MRAP2: variants seen among roughly 807,000 people sequenced by gnomAD.
MRAP2 encodes melanocortin 2 receptor accessory protein 2.
MRAP2 carries 20 observed loss-of-function variants against 17.4 expected under a neutral mutation model. That is an observed-to-expected ratio of 1.15 (90% CI 0.81 to 1.67). The LOEUF (loss-of-function observed/expected upper bound fraction) is 1.67. MRAP2 is among the 40% of genes most tolerant of loss of function. MRAP2 has a pLI of 0.00. For missense variants in MRAP2, 238 were observed against 240.0 expected, an observed-to-expected ratio of 0.99 and a Z score of 0.05; for synonymous variants, 96 against 88.4, an observed-to-expected ratio of 1.09 and a Z score of -0.48.
At chr6:84,140,525 G>GT in the MRAP2 span, among the ~76,000 whole-genome samples, 1 of 150,672 alleles carries the variant, frequency 6.6e-6, no homozygotes, top group Non-Finnish European at 1.5e-5. Flanking sequence ...AGGCTTCTTG[G>GT]TTTTTTGTTT....
intron 1 of MRAP2, among the ~76,000 whole-genome samples, chr6:84,052,048 C>T (rs1770421508): frequency 6.6e-6 from 1 of 152,214 alleles, no homozygotes; most frequent in African/African-American, 2.4e-5. Context: ...GTGATGCTTT[C>T]AGCTGTTCAA....
In MRAP2 at chr6:84,033,830, A is replaced by AGGAGCCAGGAGCC. The variant is rs1280845709; in HGVS notation, c.-57_-45dup. Reference sequence around the variant, plus strand: ...CGGCGGCGGCGCTCGCGCACCTCGGAGGAGCCAGGAGCCGGAACCAGGGCC... The same window carrying AGGAGCCAGGAGCC: ...CGGCGGCGGCGCTCGCGCACCTCGGAGGAGCCAGGAGCCGGAGCCAGGAGCCGGAACCAGGGCC... On this transcript the variant is annotated 5_prime_UTR_variant, in exon 1 of 4. Coordinates refer to ENST00000257776, the MANE Select transcript of MRAP2 (RefSeq NM_138409.4). 3.0e-6 allele frequency: 3 copies of AGGAGCCAGGAGCC among 986,666 alleles called. No homozygotes were observed. Among genetic ancestry groups the AGGAGCCAGGAGCC allele is most frequent in the Non-Finnish European group, 3.6e-6 (3 of 831,106 alleles). 61.1% of individuals were successfully genotyped at this position (986,666 alleles called of 1,614,324 possible).
chr6:84,040,657 G>A (rs1181253394), intron 1 of MRAP2, among the ~76,000 whole-genome samples: 1 of 152,188 alleles, frequency 6.6e-6, no homozygotes, highest in East Asian at 1.9e-4. Context: ...GTCTCAGATA[G>A]AGATGAGGAA....
the MRAP2 span, among the ~76,000 whole-genome samples, chr6:84,134,814 C>CA: frequency 6.6e-6 from 1 of 151,998 alleles, no homozygotes; most frequent in Non-Finnish European, 1.5e-5. Flanking sequence ...GCCTCCCCCC[C>CA]ACAGATTAAA....
At chr6:84,126,247 T>G in the MRAP2 span, 16 of 566,532 alleles carry the variant, frequency 2.8e-5, no homozygotes, top group Non-Finnish European at 4.0e-5. Context: ...ATTTATTAAA[T>G]TTTTAACAAG....
the MRAP2 span, among the ~76,000 whole-genome samples, chr6:84,144,169 T>C: frequency 6.6e-6 from 1 of 152,048 alleles, no homozygotes; most frequent in South Asian, 2.1e-4. Flanking sequence ...ATGTTCTTTC[T>C]CCTTTTACAA....
chr6:84,130,990 T>A, the MRAP2 span, among the ~76,000 whole-genome samples: 2 of 152,228 alleles, frequency 1.3e-5, no homozygotes, highest in Non-Finnish European at 2.9e-5. Flanking sequence ...CTTGTGGGCA[T>A]TTAGTGCTAT....
chr6:84,039,901 G>T (rs1205893824), intron 1 of MRAP2, among the ~76,000 whole-genome samples: 2 of 152,106 alleles, frequency 1.3e-5, no homozygotes, highest in Non-Finnish European at 2.9e-5. Context: ...ACAAACCTTT[G>T]TATAGATTAT....
Position 84,040,246 on chromosome 6 carries a change from G to T in MRAP2, c.-8+6363G>T, listed in dbSNP as rs1043581359. 2.6e-5 allele frequency among the ~76,000 whole-genome samples: 4 copies of T among 152,208 alleles called. No individual in the cohort carries two copies. In the East Asian group the frequency reaches 7.7e-4, roughly 29 times the overall value. On this transcript the variant is annotated intron_variant, in intron 1 of 3. Coordinates refer to ENST00000257776, the MANE Select transcript of MRAP2 (RefSeq NM_138409.4). ...GAAGGATGTGTTTGCTTCCCCTTCT[G>T]CCATGATTGTAAGTTTCCTGAGGCC...
chr6:84,123,197 A>AT, the MRAP2 span, among the ~76,000 whole-genome samples: 3 of 149,454 alleles, frequency 2.0e-5, no homozygotes, highest in Non-Finnish European at 3.0e-5. Context: ...AATTACCATC[A>AT]TTTTTTCACA....
At chr6:84,125,231 C>A in the MRAP2 span, 1 of 1,613,480 alleles carries the variant, frequency 6.2e-7, no homozygotes, top group African/African-American at 1.3e-5. Flanking sequence ...TTTTCAACTT[C>A]TTTGTTTTGC....
chr6:84,133,861 T>C, the MRAP2 span, among the ~76,000 whole-genome samples: 37,020 of 152,092 alleles, frequency 0.24, 9,934 homozygotes, highest in African/African-American at 0.67. Flanking sequence ...CCTTGGGCTG[T>C]ACCCACTGTC....
At chr6:84,113,639 G>A in the MRAP2 span, among the ~76,000 whole-genome samples, 1 of 152,114 alleles carries the variant, frequency 6.6e-6, no homozygotes, top group African/African-American at 2.4e-5. Flanking sequence ...GATCCTAGCT[G>A]GTTATTTTAC....
chr6:84,124,942 G>T, the MRAP2 span: 3 of 719,846 alleles, frequency 4.2e-6, no homozygotes, highest in Non-Finnish European at 7.0e-6. Context: ...ATTTTGAAAT[G>T]TTGCTTTGGT....
chr6:84,055,173 A>G (rs770346583), intron 1 of MRAP2, 139 bp from the exon 2 acceptor site: 6 of 854,194 alleles, frequency 7.0e-6, no homozygotes, highest in Non-Finnish European at 8.9e-6. Flanking sequence ...GCTGGTAAGA[A>G]CCTCTCCTGG....
chr6:84,065,616 G>T (rs973751535), intron 3 of MRAP2, among the ~76,000 whole-genome samples: 4 of 152,158 alleles, frequency 2.6e-5, no homozygotes, highest in African/African-American at 4.8e-5. Flanking sequence ...GGAGTTTTGT[G>T]GGTTATTGAG....
chr6:84,050,636 C>T lies in MRAP2; in HGVS notation c.-7-4676C>T, dbSNP rs78437625. Among the ~76,000 whole-genome samples the T allele has an allele frequency of 8.0e-3, 1,215 of 152,300 alleles. 17 individuals carry two copies. Among genetic ancestry groups the T allele is most frequent in the African/African-American group, 0.028 (1,155 of 41,570 alleles). On this transcript the variant is annotated intron_variant, in intron 1 of 3. Transcript: ENST00000257776. ...AGTCTCCTTGCTGGAGGAAAGACAGCGTTATGAGTCACAAGGGTGACTTCT... is the reference window on the plus strand; with the variant it reads ...AGTCTCCTTGCTGGAGGAAAGACAGTGTTATGAGTCACAAGGGTGACTTCT...
downstream of MRAP2, among the ~76,000 whole-genome samples, chr6:84,091,239 C>CTTTTTTTTTTTTTTTTTTTTTTTTTTTAT (rs34508361): frequency 9.3e-6 from 1 of 108,066 alleles, no homozygotes. Context: ...AGTTTGTTAA[C>CTTTTTTTTTTTTTTTTTTTTTTTTTTTAT]TTTTTTTTTT....
rs542696913 is a variant in MRAP2 at position 84,041,156 on chromosome 6, A to G, written c.-8+7273A>G. On this transcript the variant is annotated intron_variant, in intron 1 of 3. Transcript: ENST00000257776. ...AGGGGCCAAGGCATACAAAGGGGCC[A>G]AGGTATAGCTCAGGCTGTAGTTTCA... Among the ~76,000 whole-genome samples the G allele has an allele frequency of 1.5e-3, 225 of 152,342 alleles. 1 individual carries two copies. The highest frequency in any genetic ancestry group is 5.1e-3 in the African/African-American group (210 of 41,584).
Sources: gnomAD v4.1 joint callset for allele counts (sites outside exome capture counted in the v4.1 genomes callset) on GRCh38, gnomAD v4.1.1 for gene constraint, MANE v1.5 for transcripts, NCBI Gene and HGNC (gene_info 2026-07-23, HGNC 2026-07-21) for gene names.